RABGAP1L: variants seen among roughly 807,000 people sequenced by gnomAD.
RABGAP1L encodes rab GTPase-activating protein 1-like.
A neutral mutation model predicts 137.7 loss-of-function variants in RABGAP1L; 63 were observed. That is an observed-to-expected ratio of 0.46 (90% CI 0.37 to 0.56). The LOEUF is 0.56. RABGAP1L is among the 20% of genes least tolerant of loss of function. The probability of loss-of-function intolerance (pLI) is 0.00; values close to 1 mark genes in which losing one functional copy is unlikely to be tolerated. For missense variants in RABGAP1L, 1,095 were observed against 1,244.0 expected (o/e 0.88, Z 1.80); for synonymous variants, 431 against 433.7 (o/e 0.99, Z 0.08).
intron 19 of RABGAP1L, among the ~76,000 whole-genome samples, chr1:174,906,721 A>G (rs1432688092): frequency 6.6e-6 from 1 of 152,054 alleles, no homozygotes; most frequent in Non-Finnish European, 1.5e-5. Context: ...CCCAAATAAG[A>G]TATCCCAAGG....
At chr1:174,734,885 T>G (rs1035614928) in intron 17 of RABGAP1L, among the ~76,000 whole-genome samples, 7 of 152,050 alleles carry the variant, frequency 4.6e-5, no homozygotes, top group Non-Finnish European at 8.8e-5. Flanking sequence ...TGAGTCACAC[T>G]TATGCTTATT....
intron 13 of RABGAP1L, among the ~76,000 whole-genome samples, chr1:174,597,995 C>T (rs1051987475): frequency 6.6e-6 from 1 of 151,990 alleles, no homozygotes. Context: ...TAGTTTTATT[C>T]CATTGTGGTC....
At chr1:174,328,927 C>G (rs1680782286) in intron 11 of RABGAP1L, among the ~76,000 whole-genome samples, 1 of 150,778 alleles carries the variant, frequency 6.6e-6, no homozygotes, top group South Asian at 2.1e-4. Context: ...CTGTCTACCT[C>G]AAGGAACTAG....
chr1:174,863,875 G>C (rs1008831766), intron 19 of RABGAP1L, among the ~76,000 whole-genome samples: 13 of 151,792 alleles, frequency 8.6e-5, no homozygotes, highest in African/African-American at 2.9e-4. Flanking sequence ...AGCTACTCGG[G>C]AGGCTGAGGC....
intron 13 of RABGAP1L, among the ~76,000 whole-genome samples, chr1:174,553,345 G>C (rs1369180044): frequency 6.6e-6 from 1 of 152,112 alleles, no homozygotes; most frequent in Non-Finnish European, 1.5e-5. Flanking sequence ...ATCTTCCAGG[G>C]TTTTTGCAGT....
At chr1:174,479,324 G>C (rs1490031254) in intron 13 of RABGAP1L, among the ~76,000 whole-genome samples, 1 of 152,178 alleles carries the variant, frequency 6.6e-6, no homozygotes, top group East Asian at 1.9e-4. Flanking sequence ...CTTAGGCAGT[G>C]GTTCTCAAAC....
chr1:174,302,700 A>G (rs1443734256), intron 10 of RABGAP1L, among the ~76,000 whole-genome samples: 1 of 152,172 alleles, frequency 6.6e-6, no homozygotes, highest in Non-Finnish European at 1.5e-5. Flanking sequence ...GAAGTAAGCT[A>G]CTTTTTTGAT....
At chr1:174,327,148 T>C (rs574663173) in intron 11 of RABGAP1L, among the ~76,000 whole-genome samples, 2 of 152,216 alleles carry the variant, frequency 1.3e-5, no homozygotes, top group South Asian at 2.1e-4. Flanking sequence ...AAAAAGTAAG[T>C]GTCCAGGCAA....
intron 13 of RABGAP1L, among the ~76,000 whole-genome samples, chr1:174,635,202 T>TGCTAAATG (rs1673882845): frequency 1.3e-5 from 2 of 152,158 alleles, no homozygotes. Flanking sequence ...AAATGCATAA[T>TGCTAAATG]CAGTTCCTAG....
intron 19 of RABGAP1L, among the ~76,000 whole-genome samples, chr1:174,825,924 G>A (rs1032870095): frequency 2.0e-5 from 3 of 152,072 alleles, no homozygotes; most frequent in Admixed American, 6.6e-5. Context: ...AGAATCAAGG[G>A]TACAGGTGCA....
chr1:174,815,938 A>G (rs572343816), intron 19 of RABGAP1L, among the ~76,000 whole-genome samples: 4 of 152,144 alleles, frequency 2.6e-5, no homozygotes, highest in Non-Finnish European at 5.9e-5. Context: ...AGATGTTTAA[A>G]GTGCCTAATA....
chr1:174,510,430 ACATTT>A (rs1352245152), intron 13 of RABGAP1L, among the ~76,000 whole-genome samples: 1 of 152,234 alleles, frequency 6.6e-6, no homozygotes, highest in African/African-American at 2.4e-5. Flanking sequence ...ATTGGAAGAT[ACATTT>A]CATGAGACTC....
intron 13 of RABGAP1L, among the ~76,000 whole-genome samples, chr1:174,615,462 A>G (rs543563735): frequency 6.6e-6 from 1 of 152,284 alleles, no homozygotes; most frequent in East Asian, 1.9e-4. Context: ...GTACCCTGCC[A>G]TGTCAGGTGT....
intron 13 of RABGAP1L, among the ~76,000 whole-genome samples, chr1:174,484,118 T>C (rs910324527): frequency 6.6e-6 from 1 of 152,162 alleles, no homozygotes; most frequent in Admixed American, 6.5e-5. Flanking sequence ...TGAAAAGATA[T>C]CTCGTAGTTT....
chr1:174,963,222 A>G (rs1283196983), intron 20 of RABGAP1L, among the ~76,000 whole-genome samples: 1 of 152,216 alleles, frequency 6.6e-6, no homozygotes, highest in Admixed American at 6.5e-5. Context: ...CTTTTAAGGA[A>G]TAGTAATAGA....
intron 14 of RABGAP1L, among the ~76,000 whole-genome samples, chr1:174,651,460 G>T (rs1675481082): frequency 6.6e-6 from 1 of 152,114 alleles, no homozygotes; most frequent in Non-Finnish European, 1.5e-5. Context: ...TTATTATTGT[G>T]TGGGAGTCTA....
At chr1:174,403,443 A>G (rs184488496) in intron 13 of RABGAP1L, among the ~76,000 whole-genome samples, 1 of 152,116 alleles carries the variant, frequency 6.6e-6, no homozygotes, top group Admixed American at 6.5e-5. Flanking sequence ...CCATGTATTA[A>G]TTTGTGATCT....
rs116396327 is a variant in RABGAP1L, at chr1:174,482,803, A to G, written c.1710+88658A>G. On this transcript the variant is annotated intron_variant, in intron 13 of 25. Coordinates refer to ENST00000681986, the MANE Select transcript of RABGAP1L (RefSeq NM_001366446.1). ...CAAAAAGAAATTGGTTGGTACATAT[A>G]CACAGCTTTCTGATTTCTTTTTATT... Among the ~76,000 whole-genome samples the G allele has an allele frequency of 3.8e-3, 580 of 152,318 alleles. 4 individuals are homozygous for G. Among genetic ancestry groups the G allele is most frequent in the African/African-American group, 0.012 (500 of 41,576 alleles).
At chr1:174,524,545 C>A (rs1438576606) in intron 13 of RABGAP1L, among the ~76,000 whole-genome samples, 1 of 152,004 alleles carries the variant, frequency 6.6e-6, no homozygotes, top group Non-Finnish European at 1.5e-5. Context: ...GAATATTAAT[C>A]CCTTGTTGAA....
Sources: allele counts gnomAD v4.1 joint callset (sites outside exome capture counted in the v4.1 genomes callset), GRCh38; gene constraint gnomAD v4.1.1; transcripts MANE v1.5; gene names NCBI Gene and HGNC (gene_info 2026-07-23, HGNC 2026-07-21).